Variants in WDFY3 observed in about 807,000 individuals in gnomAD.
The protein encoded by WDFY3 is WD repeat and FYVE domain containing 3.
Under a neutral mutation model 409.6 loss-of-function variants are expected in WDFY3, and 66 were observed. The observed-to-expected ratio is 0.16, with a 90% CI of 0.13 to 0.20. The LOEUF (loss-of-function observed/expected upper bound fraction) is 0.20. Ranked by LOEUF, WDFY3 falls within the 10% of genes least tolerant of loss-of-function variation. WDFY3 has a pLI of 1.00. For synonymous variants in WDFY3, 1,521 were observed against 1,537.1 expected, an observed-to-expected ratio of 0.99 and a Z score of 0.25; for missense variants, 3,031 against 4,298.1, an observed-to-expected ratio of 0.71 and a Z score of 8.24.
In WDFY3 at chr4:84,836,940, C is replaced by A. The variant is rs1756657557; in HGVS notation, c.565G>T (p.Val189Phe). The A allele has an allele frequency of 6.3e-7, 1 of 1,578,908 alleles. No individual in the cohort carries two copies. The highest frequency in any genetic ancestry group is 1.4e-5 in the African/African-American group (1 of 73,914). Residue 189 changes from valine (V) to phenylalanine (F), a missense_variant, in exon 7 of 68, where the codon GTT (valine) becomes TTT (phenylalanine). Coordinates refer to ENST00000295888, the MANE Select transcript of WDFY3 (RefSeq NM_014991.6). ...AGCACCTTTCATACCTGTACAAAAA[C>A]TTTCTGGAGTAGTCCTCGACGTTCT... ...LAERRGLLQK[V>F]FVQILVKLCS...
At chr4:84,935,710 C>T (rs1291898766) in intron 1 of WDFY3, among the ~76,000 whole-genome samples, 1 of 152,074 alleles carries the variant, frequency 6.6e-6, no homozygotes, top group Non-Finnish European at 1.5e-5. Context: ...AGTTAGAGTA[C>T]CAATGATTTC....
At chr4:84,811,656 A>G (rs1335555765) in intron 13 of WDFY3, among the ~76,000 whole-genome samples, 1 of 152,178 alleles carries the variant, frequency 6.6e-6, no homozygotes, top group African/African-American at 2.4e-5. Context: ...TTGTAGCACA[A>G]TGGGTATCTA....
chr4:84,921,075 C>T (rs540112981), intron 2 of WDFY3, among the ~76,000 whole-genome samples: 1 of 152,084 alleles, frequency 6.6e-6, no homozygotes, highest in Admixed American at 6.5e-5. Flanking sequence ...TTGAAAAAAA[C>T]CCAACACTAA....
intron 4 of WDFY3, among the ~76,000 whole-genome samples, chr4:84,855,938 CA>C (rs1012011093): frequency 5.9e-5 from 9 of 152,334 alleles, no homozygotes; most frequent in Admixed American, 3.9e-4. Flanking sequence ...TATGCATTCT[CA>C]TCTGCTCTGG....
At chr4:84,711,651 G>C (rs1320634475) in intron 51 of WDFY3, among the ~76,000 whole-genome samples, 2 of 152,066 alleles carry the variant, frequency 1.3e-5, no homozygotes, top group Non-Finnish European at 2.9e-5. Flanking sequence ...GGGAGTTTGA[G>C]AGCAGCCTGG....
At chr4:84,807,773 T>C (rs1444782631) in intron 15 of WDFY3, among the ~76,000 whole-genome samples, 2 of 152,126 alleles carry the variant, frequency 1.3e-5, no homozygotes, top group African/African-American at 4.8e-5. Context: ...CTGATCAAAG[T>C]AAGTATTGGG....
intron 61 of WDFY3, among the ~76,000 whole-genome samples, chr4:84,688,647 A>T (rs1728734284): frequency 1.3e-5 from 2 of 152,208 alleles, no homozygotes; most frequent in Admixed American, 1.3e-4. Flanking sequence ...TTTCAACTCT[A>T]TATCCATTCT....
chr4:84,856,063 TC>T, intron 4 of WDFY3, among the ~76,000 whole-genome samples: 1 of 152,174 alleles, frequency 6.6e-6, no homozygotes, highest in Non-Finnish European at 1.5e-5. Context: ...TTCTCCAGTA[TC>T]AACTGTATTG....
At chr4:84,729,498 TTAC>T (rs1176489965) in intron 44 of WDFY3, among the ~76,000 whole-genome samples, 2 of 152,010 alleles carry the variant, frequency 1.3e-5, no homozygotes, top group South Asian at 2.1e-4. Flanking sequence ...TTAATAATTA[TTAC>T]TATTTTTATT....
At chr4:84,871,482 CTTG>C (rs1405798137) in intron 3 of WDFY3, among the ~76,000 whole-genome samples, 4 of 151,974 alleles carry the variant, frequency 2.6e-5, no homozygotes, top group South Asian at 2.1e-4. Context: ...ACTGAGAGAA[CTTG>C]TTGTGAGGAG....
intron 44 of WDFY3, among the ~76,000 whole-genome samples, chr4:84,730,436 GATA>G (rs1736399796): frequency 6.6e-6 from 1 of 152,120 alleles, no homozygotes; most frequent in Non-Finnish European, 1.5e-5. Context: ...ACTATCAATG[GATA>G]ATGTCATAAA....
At chr4:84,674,870 AAAAAAT>A (rs887055727) in intron 67 of WDFY3, among the ~76,000 whole-genome samples, 14 of 152,004 alleles carry the variant, frequency 9.2e-5, no homozygotes, top group African/African-American at 2.4e-4. Context: ...TCCGTCTCAA[AAAAAAT>A]AAAAATAAAA....
At chr4:84,887,091 T>C (rs1176863409) in intron 3 of WDFY3, among the ~76,000 whole-genome samples, 3 of 152,190 alleles carry the variant, frequency 2.0e-5, no homozygotes, top group Admixed American at 6.6e-5. Flanking sequence ...TTACACCATG[T>C]GCCAGGAAAT....
At chr4:84,775,663 G>A (rs1347364090) in intron 27 of WDFY3, among the ~76,000 whole-genome samples, 1 of 151,698 alleles carries the variant, frequency 6.6e-6, no homozygotes, top group Non-Finnish European at 1.5e-5. Context: ...TGTGTCATTG[G>A]TGTCCAGAAA....
chr4:84,936,950 C>G (rs1447978068), intron 1 of WDFY3, among the ~76,000 whole-genome samples: 12 of 152,074 alleles, frequency 7.9e-5, no homozygotes, highest in Admixed American at 7.9e-4. Flanking sequence ...CCTACGTCAT[C>G]AATTTCCTCC....
Position 84,808,365 on chromosome 4 carries a change from G to A in WDFY3, c.2398C>T (p.Pro800Ser), listed in dbSNP as rs1235947394. The A allele has an allele frequency of 2.5e-6, 4 of 1,613,800 alleles. No individual in the cohort carries two copies. The highest frequency in any genetic ancestry group is 3.3e-5 in the Admixed American group (2 of 59,998). Residue 800 changes from proline to serine, a missense_variant, in exon 15 of 68, where the codon CCT (proline) becomes TCT (serine). Physicochemically the swap from Pro to Ser is moderately conservative, Grantham distance 74. Around this residue, in one of 16 missense-constraint regions of WDFY3, gnomAD observed 1,322 missense variants for 1,697.9 expected, o/e 0.78. Coordinates refer to ENST00000295888, the MANE Select transcript of WDFY3 (RefSeq NM_014991.6). Reference sequence around the variant, plus strand: ...CTGGACAAAGCTGGTGTACCCCAAGGAGAGGGGAGAGAAGACTCACTTGTC... The same window carrying A: ...CTGGACAAAGCTGGTGTACCCCAAGAAGAGGGGAGAGAAGACTCACTTGTC... Reference protein sequence around the residue: ...CLTSESSLPSPWGTPALSRKR... With the variant: ...CLTSESSLPSSWGTPALSRKR...
chr4:84,841,860 T>G (rs1757398672), intron 5 of WDFY3, among the ~76,000 whole-genome samples: 1 of 152,108 alleles, frequency 6.6e-6, no homozygotes, highest in Admixed American at 6.5e-5. Flanking sequence ...AGGATTATAC[T>G]AAGACTATTA....
intron 2 of WDFY3, among the ~76,000 whole-genome samples, chr4:84,915,952 G>C (rs548113322): frequency 1.3e-5 from 2 of 152,232 alleles, no homozygotes; most frequent in African/African-American, 4.8e-5. Context: ...ACAAACTAAT[G>C]AAGAACCTGT....
At chr4:84,784,887 TATATACACACACACAC>T (rs1232160444) in intron 24 of WDFY3, among the ~76,000 whole-genome samples, 2 of 62,342 alleles carry the variant, frequency 3.2e-5, no homozygotes, top group African/African-American at 1.0e-4. Flanking sequence ...TATATATATA[TATATACACACACACAC>T]ACACACACAC....
Sources: gnomAD v4.1 joint callset for allele counts (sites outside exome capture counted in the v4.1 genomes callset) on GRCh38, gnomAD v4.1.1 for gene constraint, gnomAD v4.1.1 regional missense constraint, MANE v1.5 for transcripts, NCBI Gene and HGNC (gene_info 2026-07-23, HGNC 2026-07-21) for gene names.